The following GFRAL variants were observed in gnomAD, a reference collection of about 807,000 sequenced individuals.
GFRAL encodes GDNF family receptor alpha like, also known as GDNF family receptor alpha-like.
In GFRAL, 36 loss-of-function variants were observed where a neutral mutation model predicts 45.4. That is an observed-to-expected ratio of 0.79 (90% confidence interval 0.61 to 1.05). The LOEUF (loss-of-function observed/expected upper bound fraction) is 1.05, where lower values mean the gene tolerates loss of function less well. GFRAL is among the 50% of genes least tolerant of loss of function. The pLI is 0.00. For synonymous variants in GFRAL, 166 were observed against 154.1 expected (o/e 1.08, Z -0.57); for missense variants, 507 against 467.5 (o/e 1.08, Z -0.78).
rs1321779049 is a variant in GFRAL, at chr6:55,389,772, G to A, written c.953-9408G>A. On this transcript the variant is annotated intron_variant, in intron 6 of 8. Transcript: ENST00000340465. The stretch of plus-strand genomic sequence containing the variant: ...TATTTTTATTTCTAATTCTCATTAT[G>A]TATTTGTGTGTATATGTAAAGTGAC... Among the ~76,000 whole-genome samples the A allele has an allele frequency of 5.9e-5, 9 of 152,224 alleles. No homozygotes were observed. In the East Asian group the frequency reaches 1.7e-3, roughly 29 times the overall value.
chr6:55,364,942 G>C (rs975616328), intron 6 of GFRAL, among the ~76,000 whole-genome samples: 3 of 151,848 alleles, frequency 2.0e-5, no homozygotes, highest in Non-Finnish European at 4.4e-5. Context: ...GGTTCCATAT[G>C]AACTTTAAAG....
chr6:55,342,291 A>T (rs1294030456), intron 3 of GFRAL, among the ~76,000 whole-genome samples: 2 of 152,218 alleles, frequency 1.3e-5, no homozygotes, highest in South Asian at 4.1e-4. Flanking sequence ...TGGGTTACCC[A>T]CAAAGGGAGG....
chr6:55,367,265 C>G (rs1320712967), intron 6 of GFRAL, among the ~76,000 whole-genome samples: 2 of 131,946 alleles, frequency 1.5e-5, no homozygotes, highest in African/African-American at 6.3e-5. Context: ...GATTGCAACC[C>G]CTGCCTTTTT....
chr6:55,372,303 T>C (rs1768461663), intron 6 of GFRAL, among the ~76,000 whole-genome samples: 1 of 152,174 alleles, frequency 6.6e-6, no homozygotes, highest in Admixed American at 6.6e-5. Context: ...TCCATGCCCA[T>C]AGCATCATCA....
In GFRAL at chr6:55,331,748, C is replaced by G; in HGVS notation, c.56C>G (p.Ser19Cys). ...TTAAGCTTGGAAAATGAATACACTT[C>G]CCAAACCAATAATTGCACATATTTA... ...MGLSLENEYT[S>C]QTNNCTYLRE... Residue 19 changes from serine to cysteine, a missense_variant, in exon 2 of 9, where the codon TCC becomes TGC. Coordinates refer to ENST00000340465, the MANE Select transcript of GFRAL (RefSeq NM_207410.2). 1 of 1,610,828 alleles carries G rather than the reference C, an allele frequency of 6.2e-7. No individual in the cohort carries two copies. Among genetic ancestry groups the G allele is most frequent in the African/African-American group, 1.3e-5 (1 of 74,874 alleles).
intron 8 of GFRAL, among the ~76,000 whole-genome samples, chr6:55,400,668 T>C (rs1190451845): frequency 6.6e-6 from 1 of 152,014 alleles, no homozygotes; most frequent in Non-Finnish European, 1.5e-5. Context: ...TCCAAGGCCT[T>C]AAAAGTTACA....
At chr6:55,358,080 G>T (rs1377194351) in intron 5 of GFRAL, among the ~76,000 whole-genome samples, 1 of 151,564 alleles carries the variant, frequency 6.6e-6, no homozygotes, top group East Asian at 1.9e-4. Context: ...CCTTTAAGAT[G>T]AGTTAAATAT....
intron 3 of GFRAL, among the ~76,000 whole-genome samples, chr6:55,338,049 C>A (rs1767913786): frequency 6.6e-6 from 1 of 151,964 alleles, no homozygotes; most frequent in Admixed American, 6.6e-5. Flanking sequence ...AAAATATTTT[C>A]TCCTTTTCTT....
chr6:55,333,976 C>T, intron 3 of GFRAL, 32 bp downstream of exon 3: 1 of 1,336,600 alleles, frequency 7.5e-7, no homozygotes, highest in Non-Finnish European at 1.0e-6. Context: ...TGTTTATAGT[C>T]ATGAAAAAGA....
chr6:55,395,085 G>A (rs6916636), intron 6 of GFRAL, among the ~76,000 whole-genome samples: 28,323 of 149,242 alleles, frequency 0.19, 4,473 homozygotes, highest in African/African-American at 0.44. Context: ...CGAAATGACT[G>A]TGAACACTCT....
At chr6:55,397,197 A>C (rs745930873) in intron 6 of GFRAL, among the ~76,000 whole-genome samples, 4 of 152,156 alleles carry the variant, frequency 2.6e-5, no homozygotes, top group Non-Finnish European at 4.4e-5. Flanking sequence ...TGGTAATCCA[A>C]TATGCAAATT....
intron 6 of GFRAL, among the ~76,000 whole-genome samples, chr6:55,383,432 T>C (rs895388620): frequency 6.6e-6 from 1 of 152,016 alleles, no homozygotes; most frequent in Non-Finnish European, 1.5e-5. Context: ...GTATTTTTAC[T>C]GTGTTATACT....
At chr6:55,389,008 C>T (rs1207664923) in intron 6 of GFRAL, among the ~76,000 whole-genome samples, 1 of 152,072 alleles carries the variant, frequency 6.6e-6, no homozygotes, top group Non-Finnish European at 1.5e-5. Context: ...TTTTTCATTT[C>T]CAAAATCATG....
intron 6 of GFRAL, among the ~76,000 whole-genome samples, chr6:55,364,936 C>T (rs1768338538): frequency 2.6e-5 from 4 of 151,774 alleles, no homozygotes; most frequent in Admixed American, 2.6e-4. Context: ...TTTTTTGGTT[C>T]CATATGAACT....
chr6:55,397,715 A>T (rs1412835202), intron 6 of GFRAL, among the ~76,000 whole-genome samples: 1 of 152,056 alleles, frequency 6.6e-6, no homozygotes, highest in African/African-American at 2.4e-5. Flanking sequence ...TTGTTAACAC[A>T]GTGCTCAAAT....
chr6:55,360,943 C>A (rs1249330773), intron 6 of GFRAL, among the ~76,000 whole-genome samples: 1 of 151,846 alleles, frequency 6.6e-6, no homozygotes, highest in Non-Finnish European at 1.5e-5. Context: ...AAATACAGGT[C>A]TAAACATCCT....
At chr6:55,360,753 G>A (rs996573290) in intron 6 of GFRAL, among the ~76,000 whole-genome samples, 3 of 151,842 alleles carry the variant, frequency 2.0e-5, no homozygotes, top group Non-Finnish European at 4.4e-5. Flanking sequence ...TGGCTCATAT[G>A]ATTACAGCAG....
chr6:55,369,420 G>A lies in GFRAL; in HGVS notation c.952+10282G>A, dbSNP rs146777368. Among the ~76,000 whole-genome samples, 1,053 of 152,310 alleles carry A rather than the reference G, an allele frequency of 6.9e-3. 7 individuals carry two copies. The highest frequency in any genetic ancestry group is 0.026 in the South Asian group (125 of 4,824). On this transcript the variant is annotated intron_variant, in intron 6 of 8. Coordinates refer to ENST00000340465, the MANE Select transcript of GFRAL (RefSeq NM_207410.2). ...CCCATCTTCTGCGTCGCTCAGGCTC[G>A]GAGCTGTAGACCGGAGCTGTTCCTA...
chr6:55,369,205 C>T (rs1324691798), intron 6 of GFRAL, among the ~76,000 whole-genome samples: 1 of 152,144 alleles, frequency 6.6e-6, no homozygotes, highest in African/African-American at 2.4e-5. Flanking sequence ...ACCCGATTTT[C>T]CAGGTGCCGT....
Sources: gnomAD v4.1 joint callset for allele counts (sites outside exome capture counted in the v4.1 genomes callset) on GRCh38, gnomAD v4.1.1 for gene constraint, MANE v1.5 for transcripts, NCBI Gene and HGNC (gene_info 2026-07-23, HGNC 2026-07-21) for gene names.